Variants in OXR1 observed in about 807,000 individuals in gnomAD.
OXR1 encodes oxidation resistance 1, also known as oxidation resistance protein 1.
OXR1 carries 41 observed loss-of-function variants against 104.6 expected under a neutral mutation model. The observed-to-expected ratio is 0.39, with a 90% CI of 0.31 to 0.51. OXR1 has a LOEUF of 0.51. Among genes scored for constraint, OXR1 ranks in the 20% least tolerant of loss-of-function variants. The pLI is 0.77. For missense variants in OXR1, 955 were observed against 1,031.9 expected, an observed-to-expected ratio of 0.93 and a Z score of 1.02; for synonymous variants, 348 against 348.4, an observed-to-expected ratio of 1.00 and a Z score of 0.01.
chr8:106,665,588 A>G (rs1469374556), intron 3 of OXR1, among the ~76,000 whole-genome samples: 2 of 152,206 alleles, frequency 1.3e-5, no homozygotes, highest in African/African-American at 2.4e-5. Flanking sequence ...TGCACTTTTT[A>G]TGGTAGAAGA....
At chr8:106,546,363 C>G (rs183028489) in intron 3 of OXR1, among the ~76,000 whole-genome samples, 18 of 152,268 alleles carry the variant, frequency 1.2e-4, no homozygotes, top group African/African-American at 3.9e-4. Context: ...ACACAGTGGA[C>G]TTGTTATTTG....
intron 11 of OXR1, among the ~76,000 whole-genome samples, chr8:106,732,500 A>C (rs1833977712): frequency 6.6e-6 from 1 of 152,028 alleles, no homozygotes. Context: ...TCTCACTATT[A>C]TGTGTTGTAT....
intron 11 of OXR1, among the ~76,000 whole-genome samples, chr8:106,730,929 A>G (rs1048647219): frequency 3.3e-5 from 5 of 152,158 alleles, no homozygotes; most frequent in African/African-American, 1.2e-4. Context: ...GAAAGAAAGT[A>G]AAAAGAAACT....
intron 4 of OXR1, among the ~76,000 whole-genome samples, chr8:106,682,072 G>A (rs143697727): frequency 2.1e-4 from 32 of 151,936 alleles, no homozygotes; most frequent in Admixed American, 6.6e-5. Context: ...TTTCTTTTCT[G>A]TAGTCTTTTC....
At chr8:106,408,254 T>C (rs1294685437) in intron 2 of OXR1, among the ~76,000 whole-genome samples, 1 of 152,158 alleles carries the variant, frequency 6.6e-6, no homozygotes, top group Non-Finnish European at 1.5e-5. Context: ...AACTAAACAA[T>C]GAGATGAACA....
At chr8:106,306,673 T>C (rs1397132580) in intron 1 of OXR1, among the ~76,000 whole-genome samples, 11 of 152,198 alleles carry the variant, frequency 7.2e-5, no homozygotes, top group Non-Finnish European at 1.6e-4. Flanking sequence ...GTACATTTTG[T>C]ATGATTCGAT....
At position 106,443,641 on chromosome 8, in the gene OXR1, G is replaced by C. The variant is rs574346457; in HGVS notation, c.24-75302G>C. Among the ~76,000 whole-genome samples the C allele has an allele frequency of 1.2e-3, 184 of 152,236 alleles. 1 individual carries two copies. The highest frequency in any genetic ancestry group is 3.4e-3 in the Middle Eastern group (1 of 294). ...TATAATTAGCTTTTCTTGTTGAATT[G>C]TTCCCTTTACCATGTTATAATGCCC... On this transcript the variant is annotated intron_variant, in intron 2 of 16. Transcript: ENST00000517566.
chr8:106,656,381 G>A (rs1012483406), intron 3 of OXR1: 5 of 152,390 alleles, frequency 3.3e-5, no homozygotes, highest in African/African-American at 1.2e-4. Context: ...GCAGAAAGAT[G>A]GAGACAGCTC....
intron 1 of OXR1, among the ~76,000 whole-genome samples, chr8:106,333,797 T>C (rs1814837924): frequency 6.6e-6 from 1 of 152,140 alleles, no homozygotes; most frequent in Non-Finnish European, 1.5e-5. Context: ...TTCTGGACTC[T>C]CCATTATAGA....
chr8:106,706,789 A>T lies in OXR1; in HGVS notation c.1268A>T (p.Glu423Val), dbSNP rs569074099. Residue 423 changes from glutamate (E) to valine (V), a missense_variant, in exon 9 of 17, where the codon GAA becomes GTA. Physicochemically the swap from Glu to Val is moderately radical, Grantham distance 121. This residue lies in a region of OXR1 where 849 missense variants were observed against 852.9 expected (regional missense o/e 1.00). Transcript: ENST00000517566. Reference protein sequence around the residue: ...DLNNLEMAIKEDQIADNFQGI... With the variant: ...DLNNLEMAIKVDQIADNFQGI... ...AATAATCTTGAAATGGCCATTAAGG[A>T]AGATCAGATTGCAGATAACTTTCAA... The T allele has an allele frequency of 6.2e-7, 1 of 1,612,788 alleles. No individual in the cohort carries two copies. Among genetic ancestry groups the T allele is most frequent in the South Asian group, 1.1e-5 (1 of 90,606 alleles).
At position 106,294,120 on chromosome 8, in the gene OXR1, G is replaced by A. The variant is rs142635839; in HGVS notation, c.-139+23753G>A. ...GCAATAAAGAAAGGCCAGGGACAATGGCTTAAATGTCTGTAGTCCCGTCTG... is the reference window on the plus strand; with the variant it reads ...GCAATAAAGAAAGGCCAGGGACAATAGCTTAAATGTCTGTAGTCCCGTCTG... On this transcript the variant is annotated intron_variant, in intron 1 of 16. Coordinates refer to ENST00000517566, the MANE Select transcript of OXR1 (RefSeq NM_001198533.2). 3.9e-5 allele frequency among the ~76,000 whole-genome samples: 6 copies of A among 151,984 alleles called. No individual in the cohort carries two copies. In the East Asian group the frequency reaches 1.2e-3, roughly 29 times the overall value.
chr8:106,325,548 G>T (rs921781840), intron 1 of OXR1, among the ~76,000 whole-genome samples: 5 of 152,150 alleles, frequency 3.3e-5, no homozygotes, highest in African/African-American at 1.2e-4. Context: ...TGCTGTGAAG[G>T]TTATGATTAC....
At chr8:106,352,838 G>A (rs2130312338) in intron 1 of OXR1, among the ~76,000 whole-genome samples, 1 of 152,306 alleles carries the variant, frequency 6.6e-6, no homozygotes, top group East Asian at 1.9e-4. Context: ...ACAGAGGACA[G>A]AAAAGGGAGA....
chr8:106,712,537 A>C (rs1831802823), intron 10 of OXR1, among the ~76,000 whole-genome samples: 1 of 152,088 alleles, frequency 6.6e-6, no homozygotes, highest in African/African-American at 2.4e-5. Flanking sequence ...AAAGAGTAAC[A>C]TATGGAAATT....
chr8:106,489,521 A>T (rs1005976427), intron 2 of OXR1, among the ~76,000 whole-genome samples: 1 of 152,132 alleles, frequency 6.6e-6, no homozygotes, highest in Non-Finnish European at 1.5e-5. Context: ...ATCATATCTT[A>T]TATGTAGTAG....
intron 1 of OXR1, among the ~76,000 whole-genome samples, chr8:106,273,479 A>G (rs556195098): frequency 2.0e-5 from 3 of 152,270 alleles, no homozygotes; most frequent in Non-Finnish European, 4.4e-5. Context: ...TTTGGGGGAG[A>G]GGTGCTGCTG....
chr8:106,441,011 T>C (rs899765769), intron 2 of OXR1, among the ~76,000 whole-genome samples: 1 of 152,180 alleles, frequency 6.6e-6, no homozygotes, highest in African/African-American at 2.4e-5. Flanking sequence ...CATTGTTTTT[T>C]AAAAAGATAG....
intron 3 of OXR1, among the ~76,000 whole-genome samples, chr8:106,620,433 G>A (rs534087502): frequency 9.2e-5 from 14 of 152,022 alleles, no homozygotes; most frequent in African/African-American, 3.1e-4. Context: ...TATGTTAAAG[G>A]CCATATATTT....
chr8:106,728,748 G>A (rs1833588435), intron 11 of OXR1, among the ~76,000 whole-genome samples: 1 of 152,172 alleles, frequency 6.6e-6, no homozygotes, highest in East Asian at 1.9e-4. Flanking sequence ...CCTTGTTAGT[G>A]TCTGTCAATA....
Sources: allele counts gnomAD v4.1 joint callset (sites outside exome capture counted in the v4.1 genomes callset), GRCh38; gene constraint gnomAD v4.1.1; regional missense constraint gnomAD v4.1.1; transcripts MANE v1.5; gene names NCBI Gene and HGNC (gene_info 2026-07-23, HGNC 2026-07-21).